Variants in C14orf39 observed in about 807,000 individuals in gnomAD.
C14orf39 encodes the protein protein SIX6OS1.
A neutral mutation model predicts 85.6 loss-of-function variants in C14orf39; 66 were observed. The ratio of observed to expected loss-of-function variants is 0.77; its 90% CI spans 0.63 to 0.95. The LOEUF is 0.95. Among genes scored for constraint, C14orf39 ranks in the 40% least tolerant of loss-of-function variants. C14orf39 has a pLI of 0.00. For missense variants in C14orf39, 735 were observed against 663.9 expected, an observed-to-expected ratio of 1.11 and a Z score of -1.18; for synonymous variants, 242 against 214.0, an observed-to-expected ratio of 1.13 and a Z score of -1.14.
intron 1 of C14orf39, chr14:60,511,030 G>A: frequency 6.3e-7 from 1 of 1,574,852 alleles, no homozygotes; most frequent in Non-Finnish European, 8.6e-7. Flanking sequence ...GTGGGGGCGG[G>A]CGACGGGCGG....
At position 60,436,900 on chromosome 14, in the gene C14orf39, G is replaced by T. The variant is rs757146651; in HGVS notation, c.1709C>A (p.Ser570Tyr). The T allele has an allele frequency of 4.3e-6, 7 of 1,612,190 alleles. No individual in the cohort carries two copies. The East Asian group carries it at 1.6e-4, about 36-fold the overall frequency. ...TGAGGAAGATGAAAAACCTTTTAAA[G>T]AAGAAGAAGGTATTGAATTTTGACC... ...GQGQNSIPSS[S>Y]LKGFSSSSQN... is the part of the protein sequence containing the mutation. The change falls in exon 18 of 18, where the codon TCT becomes TAT. Residue 570 changes from serine to tyrosine, a missense_variant. Coordinates refer to ENST00000321731, the MANE Select transcript of C14orf39 (RefSeq NM_174978.3).
chr14:60,496,936 C>G (rs1893077525), intron 2 of C14orf39: 1 of 152,268 alleles, frequency 6.6e-6, no homozygotes, highest in African/African-American at 2.4e-5. Flanking sequence ...GCCTCCAGCA[C>G]AAGTTATTGG....
At chr14:60,498,347 C>T (rs1893097373) in intron 2 of C14orf39, among the ~76,000 whole-genome samples, 1 of 152,192 alleles carries the variant, frequency 6.6e-6, no homozygotes, top group Non-Finnish European at 1.5e-5. Context: ...ATTGAGAGGT[C>T]TATACCTTTC....
intron 16 of C14orf39, among the ~76,000 whole-genome samples, chr14:60,445,652 A>G (rs1018841295): frequency 3.9e-5 from 6 of 152,120 alleles, no homozygotes; most frequent in African/African-American, 1.4e-4. Context: ...AGACAGATCA[A>G]CAAGACAGAA....
intron 9 of C14orf39, 105 bp from the exon 10 acceptor site, chr14:60,467,149 G>T: frequency 4.2e-6 from 2 of 477,950 alleles, no homozygotes; most frequent in East Asian, 4.2e-5. Context: ...CCCTCGTTTT[G>T]CAGATAATAA....
In C14orf39 at chr14:60,483,739, A is replaced by G. The variant is rs770935453; in HGVS notation, c.185T>C (p.Ile62Thr). The G allele has an allele frequency of 1.6e-5, 26 of 1,596,890 alleles. No homozygotes were observed. The Admixed American group carries it at 2.5e-4, about 16-fold the overall frequency. The part of the protein sequence containing the change: ...HETINATDEE[I>T]DHYCKHSEEI... ...CTCACTATGTTTACAGTAATGATCA[A>G]TTTCCTCATCTGTTGCATTTATAGT... is the stretch of plus-strand genomic sequence containing the variant. Residue 62 changes from isoleucine (I) to threonine (T), a missense_variant, in exon 4 of 18, where the codon ATT (isoleucine) becomes ACT (threonine). Physicochemically the swap from Ile to Thr is moderately conservative, Grantham distance 89. Coordinates refer to ENST00000321731, the MANE Select transcript of C14orf39 (RefSeq NM_174978.3).
chr14:60,492,380 CCCACCAATATATCAAT>C lies in C14orf39; in HGVS notation c.-9+6900_-9+6915del, dbSNP rs1314782681. On this transcript the variant is annotated intron_variant, in intron 2 of 5. Coordinates refer to the C14orf39 transcript ENST00000556799. ...AAAATATCTTGAATGTCCAGCTGTT[CCCACCAATATATCAAT>C]CCTTAAGTTTAAGACAGGGCCTGGG... Among the ~76,000 whole-genome samples the C allele has an allele frequency of 6.6e-5, 10 of 152,156 alleles. No individual in the cohort carries two copies. The East Asian group carries it at 1.9e-3, about 29-fold the overall frequency.
chr14:60,513,040 T>C (rs763492682), intron 1 of C14orf39, among the ~76,000 whole-genome samples: 2 of 152,332 alleles, frequency 1.3e-5, no homozygotes, highest in South Asian at 2.1e-4. Flanking sequence ...AACGGCAAGA[T>C]AGACAATGGA....
chr14:60,457,465 A>C (rs968032777), intron 14 of C14orf39, among the ~76,000 whole-genome samples: 7 of 152,066 alleles, frequency 4.6e-5, no homozygotes, highest in African/African-American at 1.7e-4. Context: ...AAAGTGAAAA[A>C]TGATGTACTT....
intron 1 of C14orf39, among the ~76,000 whole-genome samples, chr14:60,510,752 C>T (rs915178964): frequency 6.6e-6 from 1 of 152,226 alleles, no homozygotes; most frequent in African/African-American, 2.4e-5. Context: ...TTGTCACCCA[C>T]ACTTCGTTTA....
Position 60,455,314 on chromosome 14 carries a change from T to C in C14orf39, c.1359-169A>G, listed in dbSNP as rs144043913. ...AGAAAGGATTGTATGAGGTGGAGAC[T>C]AATGTTAAATAAAGTTAAATAAGGC... is the stretch of plus-strand genomic sequence containing the variant. On this transcript the variant is annotated intron_variant, in intron 15 of 17. Coordinates refer to ENST00000321731, the MANE Select transcript of C14orf39 (RefSeq NM_174978.3). Among the ~76,000 whole-genome samples, 16 of 152,192 alleles carry C rather than the reference T, an allele frequency of 1.1e-4. No individual in the cohort carries two copies. In the East Asian group the frequency reaches 3.1e-3, roughly 29 times the overall value.
chr14:60,492,497 G>A (rs1016517552), intron 2 of C14orf39, among the ~76,000 whole-genome samples: 4 of 152,000 alleles, frequency 2.6e-5, no homozygotes, highest in Non-Finnish European at 5.9e-5. Context: ...GTACGGGCCC[G>A]GCGCAATGGC....
upstream of C14orf39, among the ~76,000 whole-genome samples, chr14:60,486,527 C>A (rs1357100931): frequency 6.6e-6 from 1 of 152,164 alleles, no homozygotes; most frequent in African/African-American, 2.4e-5. Context: ...GAGACTGACT[C>A]ATTTGCTCAG....
At chr14:60,476,043 A>G (rs186887512) in intron 5 of C14orf39, among the ~76,000 whole-genome samples, 19 of 152,284 alleles carry the variant, frequency 1.2e-4, no homozygotes, top group Admixed American at 1.1e-3. Context: ...GCGGGTCTGA[A>G]TCTTAAGAAA....
intron 1 of C14orf39, among the ~76,000 whole-genome samples, chr14:60,500,898 G>GA (rs1893136151): frequency 6.6e-6 from 1 of 152,092 alleles, no homozygotes; most frequent in East Asian, 1.9e-4. Flanking sequence ...TTTCCAGTAG[G>GA]AAAAAAACCT....
chr14:60,458,720 T>C lies in C14orf39; in HGVS notation c.1137A>G (p.Lys379=). ...ATTCTCTTACTTGTCTTACTGTCCC[T>C]TTATCTCCATACTCAGCATCTGTTG... is the stretch of plus-strand genomic sequence containing the variant. ...KGDKDAEYGD[K]GTVRQVRESK... Residue 379 remains lysine, a synonymous_variant, in exon 14 of 18, where the codon AAA becomes AAG. Coordinates refer to ENST00000321731, the MANE Select transcript of C14orf39 (RefSeq NM_174978.3). The C allele has an allele frequency of 6.2e-7, 1 of 1,601,582 alleles. No homozygotes were observed. Among genetic ancestry groups the C allele is most frequent in the Non-Finnish European group, 8.5e-7 (1 of 1,173,386 alleles).
intron 16 of C14orf39, among the ~76,000 whole-genome samples, chr14:60,450,032 A>G (rs748567556): frequency 1.6e-4 from 25 of 152,352 alleles, no homozygotes; most frequent in Non-Finnish European, 3.1e-4. Flanking sequence ...AGTGATACTC[A>G]GGTAGTATGC....
chr14:60,469,191 C>A (rs1258148628), intron 8 of C14orf39, among the ~76,000 whole-genome samples: 8 of 150,684 alleles, frequency 5.3e-5, no homozygotes, highest in Non-Finnish European at 1.5e-5. Flanking sequence ...TCTTTTAATG[C>A]CTTTAAAATC....
intron 1 of C14orf39, chr14:60,499,468 G>A (rs1297689449): frequency 6.6e-6 from 1 of 152,126 alleles, no homozygotes. Flanking sequence ...AAATAATTGT[G>A]GTAGAATTAG....
Sources: allele counts gnomAD v4.1 joint callset (sites outside exome capture counted in the v4.1 genomes callset), GRCh38; gene constraint gnomAD v4.1.1; transcripts MANE v1.5; gene names NCBI Gene and HGNC (gene_info 2026-07-23, HGNC 2026-07-21).